CHRM3: variants seen among roughly 807,000 people sequenced by gnomAD.
CHRM3 encodes cholinergic receptor muscarinic 3.
A neutral mutation model predicts 41.8 loss-of-function variants in CHRM3; 11 were observed. The ratio of observed to expected loss-of-function variants is 0.26; its 90% CI spans 0.17 to 0.44. The LOEUF (loss-of-function observed/expected upper bound fraction) is 0.44. CHRM3 is among the 20% of genes least tolerant of loss of function. The probability of loss-of-function intolerance (pLI) is 1.00; values close to 1 mark genes in which losing one functional copy is unlikely to be tolerated. For missense variants in CHRM3, 571 were observed against 745.4 expected, an observed-to-expected ratio of 0.77 and a Z score of 2.72; for synonymous variants, 297 against 301.4, an observed-to-expected ratio of 0.99 and a Z score of 0.15.
chr1:239,571,416 A>G (rs1369910112), intron 3 of CHRM3, among the ~76,000 whole-genome samples: 1 of 152,180 alleles, frequency 6.6e-6, no homozygotes, highest in African/African-American at 2.4e-5. Flanking sequence ...AATGAATTCA[A>G]ATCCACACTG....
At chr1:239,864,158 T>C (rs944747256) in intron 6 of CHRM3, among the ~76,000 whole-genome samples, 12 of 151,470 alleles carry the variant, frequency 7.9e-5, no homozygotes, top group Admixed American at 6.6e-4. Flanking sequence ...GGAAAGAGGC[T>C]AGTCCAGGAG....
chr1:239,448,756 T>C (rs1445900256), intron 1 of CHRM3, among the ~76,000 whole-genome samples: 4 of 152,202 alleles, frequency 2.6e-5, no homozygotes, highest in African/African-American at 4.8e-5. Context: ...ATCATTACTA[T>C]AAAGCACCCA....
intron 4 of CHRM3, among the ~76,000 whole-genome samples, chr1:239,641,148 G>A (rs78530551): frequency 6.6e-6 from 1 of 152,096 alleles, no homozygotes; most frequent in South Asian, 2.1e-4. Flanking sequence ...TATAATTTCT[G>A]TTCTTTTACA....
rs1476552601 is a variant in CHRM3 at position 239,468,553 on chromosome 1, T to G, written c.-520-24156T>G. Among the ~76,000 whole-genome samples the G allele has an allele frequency of 2.6e-5, 4 of 152,294 alleles. No homozygotes were observed. In the Middle Eastern group the frequency reaches 0.01, roughly 389 times the overall value. ...CTATTTTAGGAGGAATTTTGTTAAC[T>G]TCTAGAAACAGCAGTCAGGTCTTTA... On this transcript the variant is annotated intron_variant, in intron 1 of 6. Coordinates refer to ENST00000676153, the MANE Select transcript of CHRM3 (RefSeq NM_001375978.1).
At chr1:239,631,555 A>G (rs1669836290) in intron 3 of CHRM3, among the ~76,000 whole-genome samples, 1 of 152,196 alleles carries the variant, frequency 6.6e-6, no homozygotes, top group South Asian at 2.1e-4. Context: ...ACAATGCCAC[A>G]GTTCCCCTGT....
At chr1:239,528,283 T>G (rs1670137822) in intron 2 of CHRM3, among the ~76,000 whole-genome samples, 1 of 152,190 alleles carries the variant, frequency 6.6e-6, no homozygotes, top group Non-Finnish European at 1.5e-5. Flanking sequence ...CAATTCCTGC[T>G]GTTGTGCAAG....
chr1:239,489,032 T>G (rs1302086041), intron 1 of CHRM3, among the ~76,000 whole-genome samples: 1 of 152,184 alleles, frequency 6.6e-6, no homozygotes, highest in Non-Finnish European at 1.5e-5. Flanking sequence ...AAAATCTGGT[T>G]ACAAATAAGG....
intron 5 of CHRM3, among the ~76,000 whole-genome samples, chr1:239,724,185 A>C (rs1663230272): frequency 6.6e-6 from 1 of 151,782 alleles, no homozygotes; most frequent in African/African-American, 2.4e-5. Context: ...GCATGGACGC[A>C]TCCTGGCCCT....
At chr1:239,552,838 A>G (rs1010580375) in intron 3 of CHRM3, among the ~76,000 whole-genome samples, 4 of 151,892 alleles carry the variant, frequency 2.6e-5, no homozygotes, top group Non-Finnish European at 5.9e-5. Context: ...CTGACAAAAT[A>G]CCTGCTTGTT....
chr1:239,400,046 G>A (rs899245079), intron 1 of CHRM3, among the ~76,000 whole-genome samples: 2 of 152,064 alleles, frequency 1.3e-5, no homozygotes, highest in African/African-American at 4.8e-5. Context: ...CAAGTAGCTG[G>A]GATTACAGGT....
intron 3 of CHRM3, among the ~76,000 whole-genome samples, chr1:239,607,830 A>G (rs114553725): frequency 6.4e-4 from 98 of 152,236 alleles, no homozygotes; most frequent in African/African-American, 2.3e-3. Context: ...TAACATTGCA[A>G]TGCTTGTTTC....
chr1:239,427,304 A>G (rs1558215609), intron 1 of CHRM3, among the ~76,000 whole-genome samples: 3 of 152,142 alleles, frequency 2.0e-5, no homozygotes, highest in Admixed American at 2.0e-4. Flanking sequence ...ATGATGAAAC[A>G]CACCAGGACT....
At chr1:239,700,014 T>C (rs1336932585) in intron 5 of CHRM3, among the ~76,000 whole-genome samples, 1 of 152,156 alleles carries the variant, frequency 6.6e-6, no homozygotes, top group Non-Finnish European at 1.5e-5. Flanking sequence ...TTTCCATCAC[T>C]CTGGAAGGAA....
intron 5 of CHRM3, among the ~76,000 whole-genome samples, chr1:239,693,475 C>T (rs1353243202): frequency 1.3e-5 from 2 of 152,084 alleles, no homozygotes; most frequent in Non-Finnish European, 2.9e-5. Flanking sequence ...CTTGAACTTC[C>T]CAGCCTCTAG....
chr1:239,469,850 C>T (rs1054781144), intron 1 of CHRM3, among the ~76,000 whole-genome samples: 9 of 152,190 alleles, frequency 5.9e-5, no homozygotes, highest in Non-Finnish European at 1.0e-4. Context: ...AGCCACCGCA[C>T]TCTGACAGTC....
At chr1:239,726,622 G>A (rs1389610045) in intron 5 of CHRM3, among the ~76,000 whole-genome samples, 2 of 151,874 alleles carry the variant, frequency 1.3e-5, no homozygotes, top group Non-Finnish European at 2.9e-5. Flanking sequence ...TCTATAAGAT[G>A]CATGGTGATA....
chr1:239,722,610 A>AT (rs774558457), intron 5 of CHRM3, among the ~76,000 whole-genome samples: 1 of 151,890 alleles, frequency 6.6e-6, no homozygotes, highest in Non-Finnish European at 1.5e-5. Flanking sequence ...ATACAAATGC[A>AT]TTTTCTGCAG....
At chr1:239,405,610 A>C (rs1405447957) in intron 1 of CHRM3, among the ~76,000 whole-genome samples, 1 of 152,190 alleles carries the variant, frequency 6.6e-6, no homozygotes, top group Admixed American at 6.5e-5. Context: ...TTCTTTAAAA[A>C]AAAAAATTGT....
intron 6 of CHRM3, among the ~76,000 whole-genome samples, chr1:239,856,300 T>A (rs561840143): frequency 2.0e-5 from 3 of 152,156 alleles, no homozygotes; most frequent in Admixed American, 2.0e-4. Context: ...GTGTTGGAGG[T>A]GGGGCCTAGT....
Sources: allele counts gnomAD v4.1 joint callset (sites outside exome capture counted in the v4.1 genomes callset), GRCh38; gene constraint gnomAD v4.1.1; transcripts MANE v1.5; gene names NCBI Gene and HGNC (gene_info 2026-07-23, HGNC 2026-07-21).